Variants in USP49 observed in about 807,000 individuals in gnomAD.
USP49 encodes the protein ubiquitin carboxyl-terminal hydrolase 49.
A neutral mutation model predicts 58.6 loss-of-function variants in USP49; 24 were observed. The observed-to-expected ratio is 0.41, with a 90% confidence interval of 0.30 to 0.58. USP49 has a LOEUF of 0.58. Ranked by LOEUF, USP49 falls within the 20% of genes least tolerant of loss-of-function variation. USP49 has a pLI of 0.30. For synonymous variants in USP49, 408 were observed against 365.1 expected (o/e 1.12, Z -1.34); for missense variants, 703 against 866.1 (o/e 0.81, Z 2.36).
rs1305232613 is a variant in USP49 at position 41,791,219 on chromosome 6, T to C, written c.*5314A>G. ...TTGGCTTCAAGTAAGTGTTTACTGT[T>C]GGTTGGGTTTTAAAGCCATAATTAT... On this transcript the variant is annotated 3_prime_UTR_variant, in exon 8 of 8. Coordinates refer to ENST00000682992, the MANE Select transcript of USP49 (RefSeq NM_001286554.2). 6.6e-6 allele frequency: 1 copy of C among 152,240 alleles called. No individual in the cohort carries two copies. Among genetic ancestry groups the C allele is most frequent in the Non-Finnish European group, 1.5e-5 (1 of 68,042 alleles). The allele number at this position is 152,240 out of a possible 1,614,324, so 9.4% of individuals were successfully genotyped here.
chr6:41,893,250 G>A (rs138766169), intron 1 of USP49, among the ~76,000 whole-genome samples: 20 of 152,270 alleles, frequency 1.3e-4, no homozygotes, highest in Non-Finnish European at 2.2e-4. Flanking sequence ...TTAAATGGGT[G>A]AGTTACCAAC....
At chr6:41,838,721 AC>A (rs935455583) in intron 3 of USP49, among the ~76,000 whole-genome samples, 1 of 152,194 alleles carries the variant, frequency 6.6e-6, no homozygotes, top group Non-Finnish European at 1.5e-5. Context: ...GTTCTATAAC[AC>A]CCTCAAAAGA....
chr6:41,804,812 A>G (rs1773080055), intron 4 of USP49, among the ~76,000 whole-genome samples: 1 of 152,148 alleles, frequency 6.6e-6, no homozygotes. Context: ...CCAATGGCAC[A>G]ATCTCGGCTC....
At chr6:41,859,986 AT>A (rs1383577436) in intron 3 of USP49, among the ~76,000 whole-genome samples, 1 of 152,190 alleles carries the variant, frequency 6.6e-6, no homozygotes. Context: ...TAATAGTCCC[AT>A]TTACCGAAGA....
intron 1 of USP49, chr6:41,894,083 T>G (rs1016770140): frequency 1.3e-5 from 2 of 149,172 alleles, no homozygotes; most frequent in Non-Finnish European, 3.0e-5. Context: ...CAGTTCTACA[T>G]CCATCAGGAC....
intron 3 of USP49, among the ~76,000 whole-genome samples, chr6:41,844,299 G>A (rs889355405): frequency 6.6e-5 from 10 of 151,906 alleles, no homozygotes; most frequent in Non-Finnish European, 1.0e-4. Context: ...AGGCAACTGC[G>A]TATGTTGCAG....
At chr6:41,871,861 TG>T (rs935141274) in intron 2 of USP49, among the ~76,000 whole-genome samples, 1 of 152,188 alleles carries the variant, frequency 6.6e-6, no homozygotes. Context: ...GATCTACAAA[TG>T]GAAGTATTAA....
At chr6:41,887,484 A>G (rs1774733089) in intron 2 of USP49, among the ~76,000 whole-genome samples, 1 of 152,226 alleles carries the variant, frequency 6.6e-6, no homozygotes, top group African/African-American at 2.4e-5. Context: ...GGGGAACAGG[A>G]TAGAAAACAA....
intron 5 of USP49, among the ~76,000 whole-genome samples, chr6:41,802,397 TTTA>T (rs1306082282): frequency 1.1e-4 from 14 of 130,184 alleles, no homozygotes; most frequent in African/African-American, 3.9e-4. Flanking sequence ...TTTATTTTAT[TTTA>T]TTTTATTTTT....
rs758019254 is a variant in USP49 at position 41,790,821 on chromosome 6, G to C, written c.*5712C>G. On this transcript the variant is annotated 3_prime_UTR_variant, in exon 8 of 8. Transcript: ENST00000682992. Reference sequence around the variant, plus strand: ...CTGATAGATGAAGCTAAGACCCTTTGAGTCTACACTGGGTTGACTCTGAGA... The same window carrying C: ...CTGATAGATGAAGCTAAGACCCTTTCAGTCTACACTGGGTTGACTCTGAGA... The C allele has an allele frequency of 6.6e-6, 1 of 151,648 alleles. No individual in the cohort carries two copies. Among genetic ancestry groups the C allele is most frequent in the Non-Finnish European group, 1.5e-5 (1 of 67,892 alleles). 9.4% of individuals were successfully genotyped at this position (151,648 alleles called of 1,614,324 possible). A position where few individuals can be genotyped will look rare whatever the true frequency, so the allele number is the denominator to read the frequency against.
At chr6:41,815,142 C>T (rs554944331) in intron 3 of USP49, among the ~76,000 whole-genome samples, 28 of 151,994 alleles carry the variant, frequency 1.8e-4, no homozygotes, top group South Asian at 6.2e-4. Flanking sequence ...AAAAGGGGGC[C>T]GGGCGTGGTG....
intron 2 of USP49, among the ~76,000 whole-genome samples, chr6:41,874,921 C>G (rs1041466255): frequency 6.6e-6 from 1 of 151,992 alleles, no homozygotes; most frequent in African/African-American, 2.4e-5. Flanking sequence ...GTGATTGCAC[C>G]ACTGCACTCC....
chr6:41,806,004 C>G lies in USP49; in HGVS notation c.980G>C (p.Arg327Pro), dbSNP rs767655189. ...LRNDRAEACE[R>P]EGFCWNGRAS... is the part of the protein sequence containing the mutation. ...CCTGCCGTTCCAGCAGAAGCCCTCC[C>G]GCTCGCATGCCTCGGCCCTGTCATT... The change falls in exon 4 of 8, where the codon CGG (arginine) becomes CCG (proline). Residue 327 changes from arginine (R) to proline (P), a missense_variant. Around this residue, in one of 6 missense-constraint regions of USP49, gnomAD observed 97 missense variants for 88.0 expected, o/e 1.10. Transcript: ENST00000682992. This position sits in a 1 kb window ranked among gnomAD's most constrained non-coding sequence, Gnocchi z 5.9. The G allele has an allele frequency of 3.1e-6, 5 of 1,613,834 alleles. No homozygotes were observed. The highest frequency in any genetic ancestry group is 2.5e-6 in the Non-Finnish European group (3 of 1,180,040).
In USP49 at chr6:41,805,792, G is replaced by C; in HGVS notation, c.1192C>G (p.Gln398Glu). ...TCGCAGAGAAATTCCTGCGCGTCCT[G>C]TTGGTCGTAGCCGCGGAAGGCAGGG... ...LIPAFRGYDQQDAQEFLCELL... is the reference protein window; with the variant it reads ...LIPAFRGYDQEDAQEFLCELL... The change falls in exon 4 of 8, where the codon CAG becomes GAG. Residue 398 changes from glutamine (Q) to glutamate (E), a missense_variant. This residue lies in a region of USP49 where 66 missense variants were observed against 116.0 expected (regional missense o/e 0.57). Coordinates refer to ENST00000682992, the MANE Select transcript of USP49 (RefSeq NM_001286554.2). The C allele has an allele frequency of 6.2e-7, 1 of 1,614,102 alleles. No homozygotes were observed. Among genetic ancestry groups the C allele is most frequent in the Non-Finnish European group, 8.5e-7 (1 of 1,180,024 alleles).
intron 3 of USP49, among the ~76,000 whole-genome samples, chr6:41,863,977 C>T (rs1183068716): frequency 6.6e-6 from 1 of 151,266 alleles, no homozygotes; most frequent in African/African-American, 2.4e-5. Flanking sequence ...CTGTGTCTCC[C>T]AGGCTGATCT....
At chr6:41,888,048 CTTTTT>C (rs35468035) in intron 2 of USP49, among the ~76,000 whole-genome samples, 49 of 85,502 alleles carry the variant, frequency 5.7e-4, no homozygotes, top group African/African-American at 1.2e-3. Flanking sequence ...TCACAATCAG[CTTTTT>C]TTTTTTTTTT....
intron 3 of USP49, among the ~76,000 whole-genome samples, chr6:41,868,098 C>T (rs1045496224): frequency 6.6e-6 from 1 of 152,168 alleles, no homozygotes; most frequent in African/African-American, 2.4e-5. Flanking sequence ...TGGTCAATAG[C>T]ATAGGCCTAG....
In USP49 at chr6:41,806,442, T is replaced by C. The variant is rs750892043; in HGVS notation, c.542A>G (p.Lys181Arg). ...QRRQEEALER[K>R]KEEARRRRRE... is the part of the protein sequence containing the mutation. Reference sequence around the variant, plus strand: ...CCGCCGCCTCCGCGCCTCCTCCTTCTTGCGCTCCAGGGCCTCCTCCTGCCG... The same window carrying C: ...CCGCCGCCTCCGCGCCTCCTCCTTCCTGCGCTCCAGGGCCTCCTCCTGCCG... Residue 181 changes from lysine (K) to arginine (R), a missense_variant, in exon 4 of 8, where the codon AAG becomes AGG. Physicochemically the swap from Lys to Arg is conservative, Grantham distance 26. Around this residue, in one of 6 missense-constraint regions of USP49, gnomAD observed 376 missense variants for 373.5 expected, o/e 1.01. Transcript: ENST00000682992. This position sits in a 1 kb window ranked among gnomAD's most constrained non-coding sequence, Gnocchi z 5.9. 11 of 1,586,094 alleles carry C rather than the reference T, an allele frequency of 6.9e-6. No individual in the cohort carries two copies. The highest frequency in any genetic ancestry group is 8.5e-6 in the Non-Finnish European group (10 of 1,174,770).
Position 41,817,351 on chromosome 6 carries a change from T to C in USP49, c.-28-10340A>G, listed in dbSNP as rs533820184. On this transcript the variant is annotated intron_variant, in intron 3 of 7. Transcript: ENST00000682992. The stretch of plus-strand genomic sequence containing the variant: ...TGAGTAGTGACTGGGTTTCACCATG[T>C]TGGCCAGAATGGTCTCAATCTCTTG... 2.0e-5 allele frequency among the ~76,000 whole-genome samples: 3 copies of C among 150,918 alleles called. No homozygotes were observed. In the East Asian group the frequency reaches 5.9e-4, roughly 30 times the overall value.
Sources: allele counts gnomAD v4.1 joint callset (sites outside exome capture counted in the v4.1 genomes callset), GRCh38; gene constraint gnomAD v4.1.1; regional missense constraint gnomAD v4.1.1; non-coding constraint Gnocchi (gnomAD v3.1); transcripts MANE v1.5; gene names NCBI Gene and HGNC (gene_info 2026-07-23, HGNC 2026-07-21).